MTUS1: variants seen among roughly 807,000 people sequenced by gnomAD.
The protein encoded by MTUS1 is microtubule associated scaffold protein 1, also known as microtubule-associated tumor suppressor 1.
MTUS1 carries 109 observed loss-of-function variants against 120.8 expected under a neutral mutation model. The ratio of observed to expected loss-of-function variants is 0.90; its 90% CI spans 0.77 to 1.06. The LOEUF is 1.06. MTUS1 is among the 50% of genes least tolerant of loss of function. MTUS1 has a pLI of 0.00. For missense variants in MTUS1, 2,210 were observed against 1,486.3 expected, an observed-to-expected ratio of 1.49 and a Z score of -8.01; for synonymous variants, 737 against 550.5, an observed-to-expected ratio of 1.34 and a Z score of -4.74.
intron 6 of MTUS1, among the ~76,000 whole-genome samples, chr8:17,685,038 C>T (rs1042774432): frequency 1.3e-5 from 2 of 152,166 alleles, no homozygotes; most frequent in Non-Finnish European, 2.9e-5. Context: ...CAGATTTATA[C>T]CGCAGATGAG....
intron 1 of MTUS1, chr8:17,770,308 C>T (rs960067621): frequency 9.2e-5 from 14 of 152,006 alleles, no homozygotes; most frequent in Non-Finnish European, 1.8e-4. Context: ...ATACCACAAA[C>T]AAAATATAAG....
intron 1 of MTUS1, among the ~76,000 whole-genome samples, chr8:17,781,899 AG>A (rs2050902959): frequency 6.6e-6 from 1 of 152,200 alleles, no homozygotes; most frequent in African/African-American, 2.4e-5. Context: ...GAAACCCTTC[AG>A]AAGCCAGGCA....
chr8:17,744,455 C>T (rs1262555474), intron 2 of MTUS1, among the ~76,000 whole-genome samples: 1 of 152,090 alleles, frequency 6.6e-6, no homozygotes, highest in Non-Finnish European at 1.5e-5. Context: ...GGAGTCTCCT[C>T]TATCGCCCAG....
intron 6 of MTUS1, among the ~76,000 whole-genome samples, chr8:17,708,330 C>G (rs1263727684): frequency 1.3e-5 from 2 of 152,128 alleles, no homozygotes; most frequent in African/African-American, 4.8e-5. Context: ...ATACAAATGG[C>G]CAGTAAGCAC....
intron 1 of MTUS1, among the ~76,000 whole-genome samples, chr8:17,793,768 T>A (rs1290727022): frequency 1.3e-5 from 2 of 152,154 alleles, no homozygotes; most frequent in African/African-American, 4.8e-5. Flanking sequence ...CAAGGATGCT[T>A]TATATAACCA....
chr8:17,794,629 G>A (rs557855410), intron 1 of MTUS1, among the ~76,000 whole-genome samples: 27 of 152,284 alleles, frequency 1.8e-4, no homozygotes, highest in African/African-American at 6.3e-4. Flanking sequence ...TTCAATTAAA[G>A]CCTGTTGGCT....
chr8:17,696,265 G>GA (rs1160022941), intron 6 of MTUS1, among the ~76,000 whole-genome samples: 1 of 152,014 alleles, frequency 6.6e-6, no homozygotes, highest in Admixed American at 6.6e-5. Flanking sequence ...AGAGGTGCTG[G>GA]AAAAAATGAG....
chr8:17,656,369 A>C (rs2979798), intron 8 of MTUS1, among the ~76,000 whole-genome samples: 1 of 152,090 alleles, frequency 6.6e-6, no homozygotes, highest in African/African-American at 2.4e-5. Flanking sequence ...CTATCTTAAA[A>C]ATACAAAAAT....
chr8:17,753,756 C>G lies in MTUS1; in HGVS notation c.2052G>C (p.Glu684Asp). 1 of 1,611,768 alleles carries G rather than the reference C, an allele frequency of 6.2e-7. No individual in the cohort carries two copies. The highest frequency in any genetic ancestry group is 1.7e-5 in the Admixed American group (1 of 59,564). Residue 684 changes from glutamate (E) to aspartate (D), a missense_variant, in exon 2 of 15, where the codon GAG becomes GAC. Transcript: ENST00000693296. The stretch of plus-strand genomic sequence containing the variant: ...CATATTCAAAAGTCTCATTCATAAT[C>G]TCTTGTTTCAGCTCTTGTTTTTCCA... ...TSMEKQELKQ[E>D]IMNETFEYGS...
At chr8:17,795,081 T>A (rs1451687931) in intron 1 of MTUS1, among the ~76,000 whole-genome samples, 1 of 152,230 alleles carries the variant, frequency 6.6e-6, no homozygotes, top group Non-Finnish European at 1.5e-5. Flanking sequence ...ATTCTTTTCA[T>A]CCAGATTGGT....
intron 6 of MTUS1, among the ~76,000 whole-genome samples, chr8:17,711,133 A>T (rs962015391): frequency 3.9e-5 from 6 of 152,198 alleles, no homozygotes; most frequent in African/African-American, 1.2e-4. Flanking sequence ...GAATTTTCAG[A>T]ATGGTAAGTG....
intron 1 of MTUS1, among the ~76,000 whole-genome samples, chr8:17,758,602 C>G (rs752036221): frequency 2.6e-5 from 4 of 152,202 alleles, no homozygotes; most frequent in African/African-American, 7.2e-5. Flanking sequence ...CATTTTTAGG[C>G]TTACATGCAG....
Position 17,715,733 on chromosome 8 carries a change from G to A in MTUS1, c.2584+34C>T, listed in dbSNP as rs976599781. 3.8e-6 allele frequency: 6 copies of A among 1,577,774 alleles called. No homozygotes were observed. In the African/African-American group the frequency reaches 6.9e-5, roughly 18 times the overall value. On this transcript the variant is annotated intron_variant, in intron 5 of 14. Coordinates refer to ENST00000693296, the MANE Select transcript of MTUS1 (RefSeq NM_001363059.2). ...ACAAGCCAAGGACTTTAAGCGTCTT[G>A]CCCTCCCTCTTCAAACCACAATGAG...
chr8:17,749,286 T>A (rs1291329757), intron 2 of MTUS1, among the ~76,000 whole-genome samples: 2 of 152,110 alleles, frequency 1.3e-5, no homozygotes, highest in African/African-American at 4.8e-5. Flanking sequence ...AAACCTTGGT[T>A]TCCACAGCTC....
At chr8:17,685,904 T>A (rs931135731) in intron 6 of MTUS1, among the ~76,000 whole-genome samples, 4 of 152,200 alleles carry the variant, frequency 2.6e-5, no homozygotes, top group Admixed American at 1.3e-4. Context: ...GTCACTTGCA[T>A]AGATGTAGAA....
rs1381549724 is a variant in MTUS1, at chr8:17,754,234, G to T, written c.1574C>A (p.Ala525Asp). ...MSRAVLQPKD[A>D]ALSKVTPRPQ... The stretch of plus-strand genomic sequence containing the variant: ...TCTGGGCGTGACCTTTGATAAAGCA[G>T]CATCTTTGGGCTGCAACACTGCTCT... The change falls in exon 2 of 15, where the codon GCT becomes GAT. Residue 525 changes from alanine to aspartate, a missense_variant. Ala to Asp is a moderately radical substitution (Grantham distance 126, BLOSUM62 -2). Coordinates refer to ENST00000693296, the MANE Select transcript of MTUS1 (RefSeq NM_001363059.2). 3 of 1,614,050 alleles carry T rather than the reference G, an allele frequency of 1.9e-6. No homozygotes were observed. Among genetic ancestry groups the T allele is most frequent in the Non-Finnish European group, 2.5e-6 (3 of 1,180,022 alleles).
At chr8:17,703,037 C>T (rs149854769) in intron 6 of MTUS1, among the ~76,000 whole-genome samples, 1 of 152,112 alleles carries the variant, frequency 6.6e-6, no homozygotes, top group African/African-American at 2.4e-5. Context: ...ATTAACTGAA[C>T]AATCTGATTG....
intron 8 of MTUS1, chr8:17,664,192 C>T (rs1045982668): frequency 6.6e-6 from 1 of 152,160 alleles, no homozygotes; most frequent in Non-Finnish European, 1.5e-5. Context: ...GGAGTGTACA[C>T]TCACTTCAAG....
chr8:17,689,985 A>C (rs1306410248), intron 6 of MTUS1, among the ~76,000 whole-genome samples: 1 of 152,248 alleles, frequency 6.6e-6, no homozygotes, highest in Non-Finnish European at 1.5e-5. Flanking sequence ...TTCATGACTA[A>C]GATCTCAAAA....
Sources: gnomAD v4.1 joint callset for allele counts (sites outside exome capture counted in the v4.1 genomes callset) on GRCh38, gnomAD v4.1.1 for gene constraint, MANE v1.5 for transcripts, NCBI Gene and HGNC (gene_info 2026-07-23, HGNC 2026-07-21) for gene names.